The following ZNF541 variants were observed in gnomAD, a reference collection of about 807,000 sequenced individuals.
The protein encoded by ZNF541 is zinc finger protein 541.
ZNF541 carries 23 observed loss-of-function variants against 123.5 expected under a neutral mutation model. The ratio of observed to expected loss-of-function variants is 0.19; its 90% CI spans 0.13 to 0.26. The LOEUF (loss-of-function observed/expected upper bound fraction) is 0.26. Ranked by LOEUF, ZNF541 falls within the 10% of genes least tolerant of loss-of-function variation. The pLI is 1.00. For missense variants in ZNF541, 1,612 were observed against 1,789.9 expected (o/e 0.90, Z 1.79); for synonymous variants, 751 against 754.5 (o/e 1.00, Z 0.08).
At chr19:47,561,678 C>T (rs528745079) in intron 2 of ZNF541, among the ~76,000 whole-genome samples, 1 of 151,806 alleles carries the variant, frequency 6.6e-6, no homozygotes, top group African/African-American at 2.4e-5. Context: ...TGCCCCGCTG[C>T]AACTACTGGG....
chr19:47,521,706 A>G lies in ZNF541; in HGVS notation c.3712-52T>C. The G allele has an allele frequency of 6.5e-7, 1 of 1,539,698 alleles. No individual in the cohort carries two copies. The highest frequency in any genetic ancestry group is 8.8e-7 in the Non-Finnish European group (1 of 1,139,362). On this transcript the variant is annotated intron_variant, in intron 15 of 16. Transcript: ENST00000391901. The surrounding 1 kb of genome is among the most constrained non-coding windows in gnomAD (Gnocchi z 4.2). ...GGGTGCTGACCTGTCCTGCTGTAAG[A>G]GAGACACAGAGCTGGGGGCATACGT...
At chr19:47,561,549 G>A (rs1971062428) in intron 2 of ZNF541, among the ~76,000 whole-genome samples, 1 of 152,128 alleles carries the variant, frequency 6.6e-6, no homozygotes, top group Middle Eastern at 3.2e-3. Flanking sequence ...GTGGGCACAT[G>A]TTTGGAAAGG....
At chr19:47,555,477 G>A in intron 3 of ZNF541, 73 bp downstream of exon 3, 1 of 1,424,586 alleles carries the variant, frequency 7.0e-7, no homozygotes, top group Non-Finnish European at 9.3e-7. Context: ...AATCCATGCA[G>A]AATCAGTCCC....
chr19:47,551,575 G>C (rs1273792972), intron 3 of ZNF541, among the ~76,000 whole-genome samples: 3 of 151,798 alleles, frequency 2.0e-5, no homozygotes, highest in Non-Finnish European at 2.9e-5. Context: ...GTCTTATTCT[G>C]TCACCCAGGC....
Position 47,535,304 on chromosome 19 carries a change from G to A in ZNF541, c.3095-2332C>T, listed in dbSNP as rs973978573. Among the ~76,000 whole-genome samples the A allele has an allele frequency of 2.0e-5, 3 of 152,284 alleles. No homozygotes were observed. The South Asian group carries it at 6.2e-4, about 32-fold the overall frequency. On this transcript the variant is annotated intron_variant, in intron 9 of 16. Transcript: ENST00000391901. ...ACAAGAGTGACTCTGCATGACTTGG[G>A]TCAGGCAAATCTTCACATATAACAC...
intron 8 of ZNF541, 32 bp from the exon 9 acceptor site, chr19:47,538,471 T>C: frequency 1.4e-6 from 2 of 1,460,426 alleles, no homozygotes; most frequent in East Asian, 2.5e-5. Context: ...GGTGGTCGCC[T>C]GAAGCCACCT....
Position 47,539,687 on chromosome 19 carries a change from A to C in ZNF541, c.2796+18T>G, listed in dbSNP as rs1969990956. On this transcript the variant is annotated intron_variant, in intron 8 of 16. Coordinates refer to ENST00000391901, the MANE Select transcript of ZNF541 (RefSeq NM_001277075.3). ...CTGCGGGCAGTGGCAGGAAGGAGGC[A>C]GGCCGACAAGCACCCACCATGGCCA... 1 of 1,382,594 alleles carries C rather than the reference A, an allele frequency of 7.2e-7. No homozygotes were observed. Among genetic ancestry groups the C allele is most frequent in the African/African-American group, 1.5e-5 (1 of 65,446 alleles). 85.6% of individuals were successfully genotyped at this position (1,382,594 alleles called of 1,614,324 possible). A position where few individuals can be genotyped will look rare whatever the true frequency, so the allele number is the denominator to read the frequency against.
intron 6 of ZNF541, 70 bp from the exon 7 acceptor site, chr19:47,540,405 T>G: frequency 7.0e-6 from 10 of 1,435,050 alleles, no homozygotes; most frequent in Non-Finnish European, 9.2e-6. Flanking sequence ...TTTTTGTTGT[T>G]TTTTTTTCTT....
At chr19:47,531,003 A>G (rs569660300) in intron 12 of ZNF541, among the ~76,000 whole-genome samples, 1 of 152,294 alleles carries the variant, frequency 6.6e-6, no homozygotes, top group East Asian at 1.9e-4. Flanking sequence ...GGAGCCCCTC[A>G]GCTGGCCCTG....
At chr19:47,524,310 G>A (rs1599937507) in intron 14 of ZNF541, among the ~76,000 whole-genome samples, 1 of 152,324 alleles carries the variant, frequency 6.6e-6, no homozygotes, top group African/African-American at 2.4e-5. Context: ...ACATCAGGAG[G>A]AGAAAACCCA....
At chr19:47,524,176 C>G (rs1969177403) in intron 14 of ZNF541, among the ~76,000 whole-genome samples, 1 of 152,162 alleles carries the variant, frequency 6.6e-6, no homozygotes, top group Non-Finnish European at 1.5e-5. Flanking sequence ...GTAACTGTGT[C>G]CCAGAACAAA....
intron 10 of ZNF541, 134 bp from the exon 11 acceptor site, chr19:47,532,404 A>G: frequency 1.0e-6 from 1 of 993,796 alleles, no homozygotes; most frequent in Non-Finnish European, 1.5e-6. Flanking sequence ...TCTCAGGTGC[A>G]TCAGGTACGT....
intron 2 of ZNF541, among the ~76,000 whole-genome samples, chr19:47,566,753 A>G (rs559755652): frequency 1.3e-5 from 2 of 151,358 alleles, no homozygotes; most frequent in Non-Finnish European, 2.9e-5. Flanking sequence ...TCAAAAATAA[A>G]TAAATAAATA....
Position 47,521,473 on chromosome 19 carries a change from G to A in ZNF541, c.3887+6C>T. On this transcript the variant is annotated splice_donor_region_variant and intron_variant, in intron 16 of 16. Transcript: ENST00000391901. The surrounding 1 kb of genome is among the most constrained non-coding windows in gnomAD (Gnocchi z 4.2). ...CTGGGAGTGTTTCCAGGAGAAAGCT[G>A]GGTACCTTTCACACTCTCTGCATGG... The A allele has an allele frequency of 6.4e-7, 1 of 1,551,266 alleles. No homozygotes were observed. The highest frequency in any genetic ancestry group is 8.7e-7 in the Non-Finnish European group (1 of 1,146,740).
intron 4 of ZNF541, among the ~76,000 whole-genome samples, chr19:47,548,779 GAGA>G (rs1449722534): frequency 6.6e-6 from 1 of 152,148 alleles, no homozygotes; most frequent in Non-Finnish European, 1.5e-5. Flanking sequence ...CTGATGGTGT[GAGA>G]AGAACGGAGT....
chr19:47,549,587 A>G, intron 3 of ZNF541, 102 bp from the exon 4 acceptor site: 3 of 1,481,292 alleles, frequency 2.0e-6, no homozygotes, highest in Non-Finnish European at 1.8e-6. Flanking sequence ...TGGCCTTGTA[A>G]GTGTTGCGCG....
In ZNF541 at chr19:47,545,687, C is replaced by A; in HGVS notation, c.842G>T (p.Ser281Ile). 3.9e-6 allele frequency: 6 copies of A among 1,548,366 alleles called. No homozygotes were observed. The highest frequency in any genetic ancestry group is 5.2e-6 in the Non-Finnish European group (6 of 1,146,692). The change falls in exon 5 of 17, where the codon AGC (serine) becomes ATC (isoleucine). Residue 281 changes from serine to isoleucine, a missense_variant. By Grantham distance (142) the Ser-to-Ile change is moderately radical. This residue lies in a region of ZNF541 where 1,080 missense variants were observed against 1,013.8 expected (regional missense o/e 1.07). Transcript: ENST00000391901. The surrounding 1 kb of genome is among the most constrained non-coding windows in gnomAD (Gnocchi z 7.5). ...AGAAGGGGTCTTCTGGTGGACGATG[C>A]TACTCACGATGCGGCGCAGGAGGTC... is the stretch of plus-strand genomic sequence containing the variant. ...HRDLLRRIVS[S>I]IVHQKTPSPG...
rs1035803056 is a variant in ZNF541, at chr19:47,545,574, T to G, written c.955A>C (p.Thr319Pro). 3 of 1,544,942 alleles carry G rather than the reference T, an allele frequency of 1.9e-6. No homozygotes were observed. The African/African-American group carries it at 4.1e-5, about 21-fold the overall frequency. The part of the protein sequence containing the change: ...CPASSGSSSC[T>P]PAGPHAAPAA... The stretch of plus-strand genomic sequence containing the variant: ...GGGGCCGCGTGGGGGCCGGCTGGGG[T>G]GCAGGACGAGGACCCCGATGAGGCG... Residue 319 changes from threonine (T) to proline (P), a missense_variant, in exon 5 of 17, where the codon ACC (threonine) becomes CCC (proline). Thr to Pro is a conservative substitution (Grantham distance 38). This residue lies in a region of ZNF541 where 1,080 missense variants were observed against 1,013.8 expected (regional missense o/e 1.07). Transcript: ENST00000391901. The surrounding 1 kb of genome is among the most constrained non-coding windows in gnomAD (Gnocchi z 7.5).
chr19:47,559,034 G>A (rs545705970), intron 2 of ZNF541, among the ~76,000 whole-genome samples: 8 of 147,480 alleles, frequency 5.4e-5, no homozygotes, highest in African/African-American at 1.7e-4. Context: ...GTGACCCACC[G>A]CGCCCAGCCA....
Sources: gnomAD v4.1 joint callset for allele counts (sites outside exome capture counted in the v4.1 genomes callset) on GRCh38, gnomAD v4.1.1 for gene constraint, gnomAD v4.1.1 regional missense constraint, Gnocchi (gnomAD v3.1) non-coding constraint, MANE v1.5 for transcripts, NCBI Gene and HGNC (gene_info 2026-07-23, HGNC 2026-07-21) for gene names.